ZZEF1: variants seen among roughly 807,000 people sequenced by gnomAD.
ZZEF1 encodes zinc finger ZZ-type and EF-hand domain containing 1, also known as zinc finger ZZ-type and EF-hand domain-containing protein 1.
ZZEF1 carries 157 observed loss-of-function variants against 342.8 expected under a neutral mutation model. That is an observed-to-expected ratio of 0.46 (90% CI 0.40 to 0.52). ZZEF1 has a LOEUF of 0.52. Among genes scored for constraint, ZZEF1 ranks in the 20% least tolerant of loss-of-function variants. The pLI, the probability that ZZEF1 is intolerant of heterozygous loss-of-function variation, is 0.00. For synonymous variants in ZZEF1, 1,505 were observed against 1,429.1 expected (o/e 1.05, Z -1.20); for missense variants, 3,480 against 3,725.6 (o/e 0.93, Z 1.72).
intron 52 of ZZEF1, among the ~76,000 whole-genome samples, chr17:4,010,133 GGGAAA>G (rs1178078776): frequency 5.3e-5 from 8 of 151,796 alleles, no homozygotes; most frequent in African/African-American, 1.5e-4. Flanking sequence ...AGACCAACCT[GGGAAA>G]TAAAGCGAGA....
At chr17:4,055,265 C>T (rs555071544) in intron 33 of ZZEF1, among the ~76,000 whole-genome samples, 5 of 152,070 alleles carry the variant, frequency 3.3e-5, no homozygotes, top group East Asian at 1.9e-4. Context: ...TTAACATATG[C>T]GAGAGAAAAA....
At position 4,136,155 on chromosome 17, in the gene ZZEF1, TA is replaced by T. The variant is rs534243441; in HGVS notation, c.354+6386del. The stretch of plus-strand genomic sequence containing the variant: ...ACAGGCGCGCTTCACCACACTCAGC[TA>T]ACATGGTGAAACCCCCGTCTCTACT... On this transcript the variant is annotated intron_variant, in intron 1 of 54. Transcript: ENST00000381638. 4.5e-3 allele frequency among the ~76,000 whole-genome samples: 677 copies of T among 150,436 alleles called. 4 individuals are homozygous for T. Among genetic ancestry groups the T allele is most frequent in the African/African-American group, 0.016 (643 of 41,056 alleles).
Position 4,142,611 on chromosome 17 carries a change from G to C in ZZEF1, c.285C>G (p.Val95=). 1 of 1,605,530 alleles carries C rather than the reference G, an allele frequency of 6.2e-7. No homozygotes were observed. The highest frequency in any genetic ancestry group is 8.5e-7 in the Non-Finnish European group (1 of 1,179,712). ...EERLGRGEES[V]TLEQFRELLE... ...GCAGCTCCCGGAACTGCTCCAGAGT[G>C]ACAGACTCTTCGCCGCGGCCCAGCC... Residue 95 remains valine, a synonymous_variant, in exon 1 of 55, where the codon GTC becomes GTG. Transcript: ENST00000381638.
intron 42 of ZZEF1, among the ~76,000 whole-genome samples, chr17:4,027,319 A>G: frequency 1.2e-5 from 1 of 81,062 alleles, no homozygotes; most frequent in Non-Finnish European, 2.1e-5. Context: ...TTTTGAGAGA[A>G]GTCTCGCTCT....
intron 6 of ZZEF1, among the ~76,000 whole-genome samples, chr17:4,108,736 T>A (rs1378447274): frequency 1.3e-5 from 2 of 152,224 alleles, no homozygotes; most frequent in Non-Finnish European, 2.9e-5. Flanking sequence ...AAATTATTTG[T>A]TAAATGTAAA....
At chr17:4,055,992 A>G (rs977526634) in intron 33 of ZZEF1, among the ~76,000 whole-genome samples, 11 of 152,284 alleles carry the variant, frequency 7.2e-5, no homozygotes, top group Middle Eastern at 3.4e-3. Context: ...TGAAAATCCA[A>G]TGCCGCAGCT....
intron 33 of ZZEF1, among the ~76,000 whole-genome samples, chr17:4,055,859 C>T (rs1265962677): frequency 6.6e-6 from 1 of 152,190 alleles, no homozygotes. Flanking sequence ...CTGCACAGGA[C>T]TGGGTGGGGG....
chr17:4,109,537 CGAGCT>C, intron 6 of ZZEF1, 111 bp downstream of exon 6: 2 of 1,105,458 alleles, frequency 1.8e-6, no homozygotes, highest in Non-Finnish European at 2.7e-6. Flanking sequence ...CACCTGAGGC[CGAGCT>C]GACTGAGCCA....
chr17:4,044,519 CT>C, intron 37 of ZZEF1, 145 bp from the exon 38 acceptor site: 1 of 733,904 alleles, frequency 1.4e-6, no homozygotes, highest in Non-Finnish European at 2.2e-6. Flanking sequence ...TTTCTTTTTT[CT>C]TTTTTGTGTG....
intron 18 of ZZEF1, among the ~76,000 whole-genome samples, chr17:4,079,247 G>A (rs558231382): frequency 1.3e-5 from 2 of 152,280 alleles, no homozygotes; most frequent in East Asian, 1.9e-4. Flanking sequence ...GGGCAGAATC[G>A]ACTCCTATGA....
At chr17:4,045,658 T>C (rs184032246) in intron 37 of ZZEF1, among the ~76,000 whole-genome samples, 5 of 152,298 alleles carry the variant, frequency 3.3e-5, no homozygotes, top group African/African-American at 1.2e-4. Flanking sequence ...TACTTTTCTA[T>C]AGAATTTGCC....
intron 39 of ZZEF1, among the ~76,000 whole-genome samples, chr17:4,035,965 T>C (rs1446113292): frequency 1.3e-5 from 2 of 148,428 alleles, no homozygotes; most frequent in Non-Finnish European, 3.0e-5. Context: ...CCGGGTGTAG[T>C]GGTTGGCGCC....
Position 4,086,567 on chromosome 17 carries a change from C to A in ZZEF1, c.2431G>T (p.Ala811Ser). 6.2e-7 allele frequency: 1 copy of A among 1,614,192 alleles called. No homozygotes were observed. Among genetic ancestry groups the A allele is most frequent in the Non-Finnish European group, 8.5e-7 (1 of 1,180,030 alleles). Residue 811 changes from alanine (A) to serine (S), a missense_variant, in exon 15 of 55, where the codon GCT becomes TCT. Ala to Ser is a moderately conservative substitution (Grantham distance 99). Around this residue, in one of 5 missense-constraint regions of ZZEF1, gnomAD observed 1,528 missense variants for 1,624.1 expected, o/e 0.94. Transcript: ENST00000381638. ...FSVLQGDVLAASEEEKAPIQS... is the reference protein window; with the variant it reads ...FSVLQGDVLASSEEEKAPIQS... ...ATTGGAGCCTTTTCCTCCTCAGAAG[C>A]AGCCAGTACATCTCCCTGCAGCACA...
At chr17:4,069,240 T>C (rs775317670) in intron 26 of ZZEF1, among the ~76,000 whole-genome samples, 1 of 152,216 alleles carries the variant, frequency 6.6e-6, no homozygotes, top group Admixed American at 6.5e-5. Context: ...GTAAAAAGAT[T>C]ATCCAGCTTT....
Position 4,064,783 on chromosome 17 carries a change from G to A in ZZEF1, c.4296C>T (p.Pro1432=). Residue 1432 remains proline (P), a synonymous_variant, in exon 29 of 55, where the codon CCC becomes CCT. Transcript: ENST00000381638. ...EKSLLLLKFL[P]TGISSKESCE... is the part of the protein sequence containing the mutation. ...AGCTTTCTTTTGAACTTATGCCCGT[G>A]GGCAGAAATTTTAGTAATAGAAGAC... 1.2e-6 allele frequency: 2 copies of A among 1,609,902 alleles called. No individual in the cohort carries two copies. The highest frequency in any genetic ancestry group is 8.5e-7 in the Non-Finnish European group (1 of 1,178,286).
At chr17:4,087,847 C>T (rs2057867295) in intron 13 of ZZEF1, among the ~76,000 whole-genome samples, 1 of 149,272 alleles carries the variant, frequency 6.7e-6, no homozygotes, top group Middle Eastern at 3.2e-3. Flanking sequence ...CTCCTGACTT[C>T]CTAACCCAGC....
intron 27 of ZZEF1, among the ~76,000 whole-genome samples, chr17:4,066,804 T>C (rs1252679523): frequency 2.0e-5 from 3 of 149,406 alleles, no homozygotes; most frequent in Admixed American, 2.0e-4. Context: ...ACTAGGGTCA[T>C]AAACCCAGTC....
At position 4,049,068 on chromosome 17, in the gene ZZEF1, CA is replaced by C. The variant is rs1400743901; in HGVS notation, c.6015+639del. ...AATTCTTATAAAAACTACCAGGAGA[CA>C]GGTAATGGGAGTGGTTAACACAGAT... On this transcript the variant is annotated intron_variant, in intron 37 of 54. Transcript: ENST00000381638. 3.9e-5 allele frequency among the ~76,000 whole-genome samples: 6 copies of C among 152,166 alleles called. No homozygotes were observed. In the East Asian group the frequency reaches 1.2e-3, roughly 29 times the overall value.
At chr17:4,087,656 T>C in intron 13 of ZZEF1, 122 bp from the exon 14 acceptor site, 1 of 813,998 alleles carries the variant, frequency 1.2e-6, no homozygotes, top group Non-Finnish European at 1.9e-6. Flanking sequence ...GAGACTTTCA[T>C]ATTACTGATG....
Sources: allele counts gnomAD v4.1 joint callset (sites outside exome capture counted in the v4.1 genomes callset), GRCh38; gene constraint gnomAD v4.1.1; regional missense constraint gnomAD v4.1.1; transcripts MANE v1.5; gene names NCBI Gene and HGNC (gene_info 2026-07-23, HGNC 2026-07-21).